The following LIPN variants were observed in gnomAD, a reference collection of about 807,000 sequenced individuals.
The protein encoded by LIPN is lipase family member N.
LIPN carries 32 observed loss-of-function variants against 43.7 expected under a neutral mutation model. The observed-to-expected ratio is 0.73, with a 90% confidence interval of 0.55 to 0.98. LIPN has a LOEUF of 0.98. Ranked by LOEUF, LIPN falls within the 50% of genes least tolerant of loss-of-function variation. LIPN has a pLI of 0.00. For synonymous variants in LIPN, 156 were observed against 157.6 expected (o/e 0.99, Z 0.08); for missense variants, 505 against 483.8 (o/e 1.04, Z -0.41).
At chr10:88,774,671 C>A in intron 8 of LIPN, 127 bp downstream of exon 8, 2 of 729,612 alleles carry the variant, frequency 2.7e-6, no homozygotes, top group Non-Finnish European at 4.7e-6. Context: ...GTCCTTGCTG[C>A]CTTCTGTATG....
chr10:88,773,528 C>G (rs1037256333), intron 7 of LIPN, among the ~76,000 whole-genome samples: 3 of 151,822 alleles, frequency 2.0e-5, no homozygotes, highest in Non-Finnish European at 4.4e-5. Context: ...GGGATCCCCT[C>G]TTTATGAAGA....
intron 6 of LIPN, chr10:88,769,710 G>A: frequency 3.0e-6 from 1 of 333,904 alleles, no homozygotes; most frequent in Non-Finnish European, 4.3e-6. Flanking sequence ...GTTGGTTTGG[G>A]GTAGAGTGGT....
rs376840095 is a variant in LIPN, at chr10:88,770,943, C to T, written c.771C>T (p.Ser257=). 3.7e-4 allele frequency: 579 copies of T among 1,566,208 alleles called. 2 individuals are homozygous for T. The highest frequency in any genetic ancestry group is 1.8e-3 in the South Asian group (152 of 85,010). The part of the protein sequence containing the change: ...CNNKILWLIC[S]EFMSLWAGSN... ...ATAAGATACTCTGGTTGATATGTAG[C>T]GAATTTATGTCCTTATGGGCTGGAT... The change falls in exon 7 of 10, where the codon AGC becomes AGT. Residue 257 remains serine, a synonymous_variant. Transcript: ENST00000404459.
chr10:88,768,015 T>TACACACATACACACAC lies in LIPN; in HGVS notation c.536-770_536-769insTACACACACACACACA, dbSNP rs1370426410. On this transcript the variant is annotated intron_variant, in intron 5 of 9. Coordinates refer to ENST00000404459, the MANE Select transcript of LIPN (RefSeq NM_001102469.2). The stretch of plus-strand genomic sequence containing the variant: ...TTTAATGTTCCAACAAGTGTTTCAG[T>TACACACATACACACAC]ACACACACACACACACACACACACA... Among the ~76,000 whole-genome samples the TACACACATACACACAC allele has an allele frequency of 1.7e-3, 237 of 141,058 alleles. 1 individual carries two copies. The highest frequency in any genetic ancestry group is 5.8e-3 in the African/African-American group (224 of 38,456). The allele number at this position is 141,058 out of a possible 152,430, so 92.5% of individuals were successfully genotyped here.
chr10:88,762,424 G>A (rs1590172956), intron 3 of LIPN, 119 bp downstream of exon 3: 1 of 672,332 alleles, frequency 1.5e-6, no homozygotes. Flanking sequence ...TATTGGATTA[G>A]TCTTTAAATA....
intron 7 of LIPN, among the ~76,000 whole-genome samples, chr10:88,773,980 G>A (rs1035703361): frequency 7.2e-5 from 11 of 151,998 alleles, no homozygotes; most frequent in Admixed American, 6.6e-4. Flanking sequence ...CTAGGAAATT[G>A]GTACTATGAC....
chr10:88,764,137 G>C (rs926639936), intron 3 of LIPN, among the ~76,000 whole-genome samples: 3 of 151,952 alleles, frequency 2.0e-5, no homozygotes, highest in Non-Finnish European at 4.4e-5. Context: ...CTAGTTTATA[G>C]AGTTGTTGCA....
rs1419735407 is a variant in LIPN, at chr10:88,778,558, A to G, written c.*316A>G. On this transcript the variant is annotated 3_prime_UTR_variant, in exon 10 of 10. Coordinates refer to ENST00000404459, the MANE Select transcript of LIPN (RefSeq NM_001102469.2). The stretch of plus-strand genomic sequence containing the variant: ...AAGTATAGAAATGTCTGAAGCTTCA[A>G]AGGAACAGTGAAATTCCTTTAAGGT... Among the ~76,000 whole-genome samples, 1 of 152,192 alleles carries G rather than the reference A, an allele frequency of 6.6e-6. No homozygotes were observed. Among genetic ancestry groups the G allele is most frequent in the Non-Finnish European group, 1.5e-5 (1 of 68,028 alleles).
chr10:88,761,960 G>A (rs928295505), intron 2 of LIPN, among the ~76,000 whole-genome samples: 1 of 151,968 alleles, frequency 6.6e-6, no homozygotes, highest in Admixed American at 6.6e-5. Flanking sequence ...CAGAAAGAAT[G>A]GGTCAATGCT....
upstream of LIPN, among the ~76,000 whole-genome samples, chr10:88,758,806 CTT>C (rs1326359148): frequency 2.0e-5 from 3 of 151,930 alleles, no homozygotes; most frequent in Non-Finnish European, 4.4e-5. Flanking sequence ...TGTAGAAACT[CTT>C]TTAAGATTTG....
intron 7 of LIPN, among the ~76,000 whole-genome samples, chr10:88,773,783 T>A (rs1435393177): frequency 6.6e-6 from 1 of 151,996 alleles, no homozygotes; most frequent in Non-Finnish European, 1.5e-5. Context: ...CAAAGTTGGC[T>A]TGCTCAAAAG....
chr10:88,766,609 T>C (rs2134838106), intron 5 of LIPN, among the ~76,000 whole-genome samples: 1 of 152,048 alleles, frequency 6.6e-6, no homozygotes, highest in Non-Finnish European at 1.5e-5. Context: ...GCATATTGAC[T>C]ACGGTGATGC....
chr10:88,758,286 C>T (rs1297556353), upstream of LIPN, among the ~76,000 whole-genome samples: 1 of 150,900 alleles, frequency 6.6e-6, no homozygotes, highest in Non-Finnish European at 1.5e-5. Flanking sequence ...TAATATGATT[C>T]TTGGACTGAG....
chr10:88,768,860 A>G lies in LIPN; in HGVS notation c.604A>G (p.Thr202Ala), dbSNP rs774751136. 2.0e-5 allele frequency: 33 copies of G among 1,611,518 alleles called. No homozygotes were observed. The highest frequency in any genetic ancestry group is 2.6e-5 in the Non-Finnish European group (31 of 1,178,466). Residue 202 changes from threonine to alanine, a missense_variant, in exon 6 of 10, where the codon ACG (threonine) becomes GCG (alanine). Physicochemically the swap from Thr to Ala is moderately conservative, Grantham distance 58. Coordinates refer to ENST00000404459, the MANE Select transcript of LIPN (RefSeq NM_001102469.2). The stretch of plus-strand genomic sequence containing the variant: ...CAAAATGAATTTTGCCTTGGGTCCT[A>G]CGATCTCATTCAAATATCCCACGGG... ...RIKMNFALGP[T>A]ISFKYPTGIF...
chr10:88,758,540 T>C (rs535874638), upstream of LIPN, among the ~76,000 whole-genome samples: 2 of 148,700 alleles, frequency 1.3e-5, no homozygotes, highest in African/African-American at 4.9e-5. Flanking sequence ...TTTTATTATA[T>C]AGAAAATATA....
chr10:88,760,462 T>G (rs1310011172), intron 1 of LIPN, among the ~76,000 whole-genome samples: 1 of 152,152 alleles, frequency 6.6e-6, no homozygotes, highest in East Asian at 1.9e-4. Context: ...ACCAGATAGC[T>G]AATGTATGCA....
At chr10:88,773,589 A>C (rs1056973608) in intron 7 of LIPN, among the ~76,000 whole-genome samples, 1 of 151,796 alleles carries the variant, frequency 6.6e-6, no homozygotes, top group East Asian at 1.9e-4. Flanking sequence ...TGAGAATTCA[A>C]GAAGAAGGAG....
At chr10:88,765,122 A>T (rs553393040) in intron 4 of LIPN, among the ~76,000 whole-genome samples, 21 of 152,128 alleles carry the variant, frequency 1.4e-4, no homozygotes, top group African/African-American at 5.1e-4. Context: ...AGAAACTGAG[A>T]TCGCACATAG....
In LIPN at chr10:88,778,302, A is replaced by C. The variant is rs1316767793; in HGVS notation, c.*60A>C. 2.3e-6 allele frequency: 3 copies of C among 1,281,262 alleles called. No homozygotes were observed. In the African/African-American group the frequency reaches 4.4e-5, roughly 19 times the overall value. The allele number at this position is 1,281,262 out of a possible 1,614,324, so 79.4% of individuals were successfully genotyped here. A position where few individuals can be genotyped will look rare whatever the true frequency, so the allele number is the denominator to read the frequency against. The stretch of plus-strand genomic sequence containing the variant: ...TCCAAGCCCATAAGGGACTTTAGAA[A>C]AAATAGTAACCAACAATGAGGTTGT... On this transcript the variant is annotated 3_prime_UTR_variant, in exon 10 of 10. Coordinates refer to ENST00000404459, the MANE Select transcript of LIPN (RefSeq NM_001102469.2).
Sources: gnomAD v4.1 joint callset for allele counts (sites outside exome capture counted in the v4.1 genomes callset) on GRCh38, gnomAD v4.1.1 for gene constraint, MANE v1.5 for transcripts, NCBI Gene and HGNC (gene_info 2026-07-23, HGNC 2026-07-21) for gene names.